Variants in KATNAL1 observed in about 807,000 individuals in gnomAD.
KATNAL1 encodes the protein katanin p60 ATPase-containing subunit A-like 1.
A neutral mutation model predicts 55.2 loss-of-function variants in KATNAL1; 32 were observed. The ratio of observed to expected loss-of-function variants is 0.58; its 90% CI spans 0.44 to 0.78. KATNAL1 has a LOEUF of 0.78. KATNAL1 is among the 30% of genes least tolerant of loss of function. The pLI, the probability that KATNAL1 is intolerant of heterozygous loss-of-function variation, is 0.00. For synonymous variants in KATNAL1, 193 were observed against 193.6 expected (o/e 1.00, Z 0.02); for missense variants, 466 against 600.9 (o/e 0.78, Z 2.35).
intron 1 of KATNAL1, among the ~76,000 whole-genome samples, chr13:30,298,219 G>A (rs922115609): frequency 1.1e-4 from 17 of 152,134 alleles, no homozygotes; most frequent in African/African-American, 3.9e-4. Flanking sequence ...TATCTCTCAA[G>A]TATGCCTGCA....
chr13:30,288,263 T>C (rs1342997040), intron 1 of KATNAL1, among the ~76,000 whole-genome samples: 2 of 152,180 alleles, frequency 1.3e-5, no homozygotes, highest in Admixed American at 1.3e-4. Context: ...TTGGAAGGCA[T>C]CTAAAGGATT....
rs764949813 is a variant in KATNAL1, at chr13:30,283,684, C to G, written c.94G>C (p.Val32Leu). The G allele has an allele frequency of 1.1e-5, 17 of 1,613,798 alleles. No individual in the cohort carries two copies. Among genetic ancestry groups the G allele is most frequent in the Non-Finnish European group, 9.3e-6 (11 of 1,179,892 alleles). ...CAATGTCTCTGAATCTGCTGCATCA[C>G]CCCCTGGTAATATACCATTGATGAG... The part of the protein sequence containing the change: ...YDSSMVYYQG[V>L]MQQIQRHCQS... The change falls in exon 2 of 11, where the codon GTG becomes CTG. Residue 32 changes from valine (V) to leucine (L), a missense_variant. Physicochemically the swap from Val to Leu is conservative, Grantham distance 32. Transcript: ENST00000380615.
At chr13:30,211,741 G>T (rs1873710226) in intron 9 of KATNAL1, among the ~76,000 whole-genome samples, 1 of 152,126 alleles carries the variant, frequency 6.6e-6, no homozygotes, top group Non-Finnish European at 1.5e-5. Flanking sequence ...CACAGAAATG[G>T]AAAGAACCAA....
rs1448155727 is a variant in KATNAL1 at position 30,258,999 on chromosome 13, T to C, written c.324-3384A>G. Among the ~76,000 whole-genome samples, 36 of 152,178 alleles carry C rather than the reference T, an allele frequency of 2.4e-4. 1 individual carries two copies. The highest frequency in any genetic ancestry group is 2.4e-3 in the Admixed American group (36 of 15,274). On this transcript the variant is annotated intron_variant, in intron 3 of 10. Coordinates refer to ENST00000380615, the MANE Select transcript of KATNAL1 (RefSeq NM_032116.5). The stretch of plus-strand genomic sequence containing the variant: ...AAATATTATTAATTCTTTCAACAAA[T>C]AGCTAAATCTTAATGAATGAAAGGC...
intron 1 of KATNAL1, 72 bp from the exon 2 acceptor site, chr13:30,283,863 T>A: frequency 9.4e-7 from 1 of 1,065,718 alleles, no homozygotes; most frequent in South Asian, 1.8e-5. Context: ...TTCTTTAAAA[T>A]ATGTTTAAAA....
chr13:30,206,547 A>G lies in KATNAL1; in HGVS notation c.*1993T>C, dbSNP rs543052432. 8 of 152,256 alleles carry G rather than the reference A, an allele frequency of 5.3e-5. No individual in the cohort carries two copies. The East Asian group carries it at 1.5e-3, about 29-fold the overall frequency. 9.4% of individuals were successfully genotyped at this position (152,256 alleles called of 1,614,324 possible). On this transcript the variant is annotated 3_prime_UTR_variant, in exon 11 of 11. Transcript: ENST00000380615. ...ATGTCATTATCCATGAAGAATTCAGAAAAATAATTAAATGCACACCAAGAT... is the reference window on the plus strand; with the variant it reads ...ATGTCATTATCCATGAAGAATTCAGGAAAATAATTAAATGCACACCAAGAT...
In KATNAL1 at chr13:30,286,985, T is replaced by C. The variant is rs1054570318; in HGVS notation, c.-14-3194A>G. Among the ~76,000 whole-genome samples, 5 of 152,300 alleles carry C rather than the reference T, an allele frequency of 3.3e-5. No homozygotes were observed. In the South Asian group the frequency reaches 1.0e-3, roughly 32 times the overall value. ...CTTTGTTTTAGCCAATTTCTCCCAT[T>C]TGGAACAGGTATATTTACCCAATGC... On this transcript the variant is annotated intron_variant, in intron 1 of 10. Transcript: ENST00000380615.
intron 1 of KATNAL1, among the ~76,000 whole-genome samples, chr13:30,300,096 C>T (rs539940879): frequency 3.3e-4 from 51 of 152,272 alleles, no homozygotes; most frequent in African/African-American, 1.2e-3. Context: ...CCAATCCCAC[C>T]AGGGATGTCA....
intron 1 of KATNAL1, among the ~76,000 whole-genome samples, chr13:30,293,417 C>G (rs748188929): frequency 2.0e-5 from 3 of 152,138 alleles, no homozygotes; most frequent in African/African-American, 7.2e-5. Flanking sequence ...CTTCAAAATA[C>G]AGAACACTTC....
intron 9 of KATNAL1, among the ~76,000 whole-genome samples, chr13:30,226,812 C>T (rs1875520547): frequency 6.6e-6 from 1 of 152,160 alleles, no homozygotes. Context: ...CGTGGTGGTT[C>T]ACACCGGTAA....
chr13:30,295,675 CAATCT>C (rs1882434477), intron 1 of KATNAL1, among the ~76,000 whole-genome samples: 1 of 152,046 alleles, frequency 6.6e-6, no homozygotes, highest in Admixed American at 6.5e-5. Flanking sequence ...TCTTGAGCTG[CAATCT>C]ACTCCTGGTG....
intron 3 of KATNAL1, among the ~76,000 whole-genome samples, chr13:30,272,325 G>A (rs560618214): frequency 6.6e-6 from 1 of 152,144 alleles, no homozygotes; most frequent in African/African-American, 2.4e-5. Context: ...TTGAACCCAG[G>A]AGGCGGAGGT....
intron 8 of KATNAL1, among the ~76,000 whole-genome samples, chr13:30,228,057 T>A (rs796707121): frequency 7.9e-5 from 12 of 152,280 alleles, no homozygotes; most frequent in African/African-American, 2.9e-4. Flanking sequence ...TTTAAACTTT[T>A]AAGTGACCTG....
intron 1 of KATNAL1, among the ~76,000 whole-genome samples, chr13:30,294,344 G>C (rs1334770496): frequency 6.6e-6 from 1 of 152,192 alleles, no homozygotes; most frequent in East Asian, 1.9e-4. Context: ...TGAATGATGA[G>C]AAAGCAAAAC....
intron 4 of KATNAL1, among the ~76,000 whole-genome samples, chr13:30,245,505 G>A (rs981309961): frequency 3.9e-5 from 6 of 152,152 alleles, no homozygotes; most frequent in African/African-American, 1.4e-4. Flanking sequence ...AGACAAGGAT[G>A]CCCTCTCTCA....
chr13:30,299,536 TA>T (rs1882733473), intron 1 of KATNAL1, among the ~76,000 whole-genome samples: 1 of 152,192 alleles, frequency 6.6e-6, no homozygotes, highest in Non-Finnish European at 1.5e-5. Flanking sequence ...AAATTATTTT[TA>T]GTCATAATCT....
At chr13:30,279,393 CAA>C (rs2137528291) in intron 3 of KATNAL1, among the ~76,000 whole-genome samples, 1 of 152,210 alleles carries the variant, frequency 6.6e-6, no homozygotes, top group African/African-American at 2.4e-5. Flanking sequence ...CTGGGCAAAT[CAA>C]AAGAGGCTGC....
chr13:30,295,790 C>T lies in KATNAL1; in HGVS notation c.-15+11541G>A, dbSNP rs113152183. Reference sequence around the variant, plus strand: ...AGCAGGGTTTGGAGAGGATTGACTCCAATTGTGAAAGAATTGCTACTGTGG... The same window carrying T: ...AGCAGGGTTTGGAGAGGATTGACTCTAATTGTGAAAGAATTGCTACTGTGG... On this transcript the variant is annotated intron_variant, in intron 1 of 10. Transcript: ENST00000380615. 8.5e-3 allele frequency among the ~76,000 whole-genome samples: 1,300 copies of T among 152,248 alleles called. 27 individuals carry two copies. Among genetic ancestry groups the T allele is most frequent in the African/African-American group, 0.03 (1,240 of 41,542 alleles).
Position 30,274,899 on chromosome 13 carries a change from GCGCGCGCGCACACACACACACACACA to G in KATNAL1, c.323+5138_323+5163del, listed in dbSNP as rs1278981621. On this transcript the variant is annotated intron_variant, in intron 3 of 10. Coordinates refer to ENST00000380615, the MANE Select transcript of KATNAL1 (RefSeq NM_032116.5). ...GGTGTGTGCACACACATACGCGCGC[GCGCGCGCGCACACACACACACACACA>G]CACACACACACACACACACACACAC... Among the ~76,000 whole-genome samples, 345 of 112,372 alleles carry G rather than the reference GCGCGCGCGCACACACACACACACACA, an allele frequency of 3.1e-3. 2 individuals carry two copies. The highest frequency in any genetic ancestry group is 8.5e-3 in the Admixed American group (100 of 11,820). The allele number at this position is 112,372 out of a possible 152,430, so 73.7% of individuals were successfully genotyped here.
Sources: allele counts gnomAD v4.1 joint callset (sites outside exome capture counted in the v4.1 genomes callset), GRCh38; gene constraint gnomAD v4.1.1; transcripts MANE v1.5; gene names NCBI Gene and HGNC (gene_info 2026-07-23, HGNC 2026-07-21).